The following KCNIP4 variants were observed in gnomAD, a reference collection of about 807,000 sequenced individuals.
KCNIP4 encodes potassium voltage-gated channel interacting protein 4.
Under a neutral mutation model 34.0 loss-of-function variants are expected in KCNIP4, and 12 were observed. That is an observed-to-expected ratio of 0.35 (90% CI 0.23 to 0.57). The LOEUF is 0.57. Among genes scored for constraint, KCNIP4 ranks in the 20% least tolerant of loss-of-function variants. The probability of loss-of-function intolerance (pLI) is 0.83; values close to 1 mark genes in which losing one functional copy is unlikely to be tolerated. For missense variants in KCNIP4, 238 were observed against 311.7 expected, an observed-to-expected ratio of 0.76 and a Z score of 1.78; for synonymous variants, 124 against 102.2, an observed-to-expected ratio of 1.21 and a Z score of -1.29.
chr4:20,954,135 A>C (rs1443678250), intron 1 of KCNIP4, among the ~76,000 whole-genome samples: 1 of 152,192 alleles, frequency 6.6e-6, no homozygotes, highest in Admixed American at 6.5e-5. Context: ...TCAAGTGAAC[A>C]CAAGAGCTCA....
chr4:21,002,722 C>T (rs541294326), intron 1 of KCNIP4, among the ~76,000 whole-genome samples: 1 of 152,050 alleles, frequency 6.6e-6, no homozygotes, highest in Non-Finnish European at 1.5e-5. Flanking sequence ...TGGATGATTG[C>T]GATGCAAGCT....
At chr4:21,554,141 T>C (rs1341559524) in intron 1 of KCNIP4, among the ~76,000 whole-genome samples, 1 of 152,160 alleles carries the variant, frequency 6.6e-6, no homozygotes, top group South Asian at 2.1e-4. Flanking sequence ...AGTAAAGGCC[T>C]CCTGAAGAGG....
intron 5 of KCNIP4, among the ~76,000 whole-genome samples, chr4:20,738,361 A>C (rs1275300772): frequency 6.6e-6 from 1 of 152,210 alleles, no homozygotes; most frequent in Non-Finnish European, 1.5e-5. Flanking sequence ...ATTGGTTCTC[A>C]AAATATAATG....
intron 1 of KCNIP4, among the ~76,000 whole-genome samples, chr4:21,247,428 A>G (rs1405705701): frequency 6.6e-6 from 1 of 151,668 alleles, no homozygotes; most frequent in Non-Finnish European, 1.5e-5. Context: ...GAACATTGCA[A>G]TGGAAGAGCA....
chr4:21,917,718 G>A (rs550062534), intron 1 of KCNIP4, among the ~76,000 whole-genome samples: 2 of 152,126 alleles, frequency 1.3e-5, no homozygotes, highest in Admixed American at 1.3e-4. Context: ...TTTTGCCAGA[G>A]AGAATAAGGC....
intron 1 of KCNIP4, among the ~76,000 whole-genome samples, chr4:21,013,327 C>G (rs530374822): frequency 6.6e-6 from 1 of 152,130 alleles, no homozygotes; most frequent in East Asian, 1.9e-4. Context: ...AGAGTGGGAA[C>G]CAGAGGCCAG....
At chr4:20,912,467 C>T (rs555109396) in intron 1 of KCNIP4, among the ~76,000 whole-genome samples, 7 of 152,124 alleles carry the variant, frequency 4.6e-5, no homozygotes, top group African/African-American at 1.7e-4. Context: ...TGTAACATAA[C>T]AACTAGGTTT....
chr4:21,490,043 C>T (rs904387903), intron 1 of KCNIP4, among the ~76,000 whole-genome samples: 4 of 152,030 alleles, frequency 2.6e-5, no homozygotes, highest in Non-Finnish European at 5.9e-5. Flanking sequence ...GTGGAAAGCG[C>T]TCTTTTTATT....
At chr4:21,565,181 C>G (rs1739764819) in intron 1 of KCNIP4, among the ~76,000 whole-genome samples, 4 of 152,156 alleles carry the variant, frequency 2.6e-5, no homozygotes, top group Admixed American at 2.6e-4. Context: ...CTCACAGTTT[C>G]AGAGGCTGAG....
chr4:21,223,625 G>T (rs1758139151), intron 1 of KCNIP4, among the ~76,000 whole-genome samples: 1 of 152,168 alleles, frequency 6.6e-6, no homozygotes, highest in Admixed American at 6.5e-5. Flanking sequence ...TGCTTGGTAT[G>T]TCCCATGTTA....
chr4:21,928,411 T>C (rs566683808), intron 1 of KCNIP4, among the ~76,000 whole-genome samples: 4 of 152,124 alleles, frequency 2.6e-5, no homozygotes, highest in African/African-American at 9.7e-5. Flanking sequence ...ATACCCAGCA[T>C]ATCTTTAATA....
chr4:21,727,136 G>T (rs1435427151), intron 1 of KCNIP4, among the ~76,000 whole-genome samples: 2 of 152,094 alleles, frequency 1.3e-5, no homozygotes. Flanking sequence ...TTCATGTTAG[G>T]ATCAAACACC....
chr4:21,351,192 TTA>T (rs1362800503), intron 1 of KCNIP4, among the ~76,000 whole-genome samples: 11 of 152,118 alleles, frequency 7.2e-5, no homozygotes, highest in Non-Finnish European at 1.6e-4. Flanking sequence ...TCCCTCAAAT[TTA>T]TATGTTAAAG....
At chr4:21,852,084 T>G (rs914101354) in intron 1 of KCNIP4, 1 of 151,884 alleles carries the variant, frequency 6.6e-6, no homozygotes, top group Non-Finnish European at 1.5e-5. Context: ...TTCTGGGAGA[T>G]AATTTTCTAG....
Position 21,182,095 on chromosome 4 carries a change from G to T in KCNIP4, c.62-299386C>A, listed in dbSNP as rs747093873. Among the ~76,000 whole-genome samples, 158 of 152,214 alleles carry T rather than the reference G, an allele frequency of 1.0e-3. 1 individual carries two copies. The highest frequency in any genetic ancestry group is 2.6e-4 in the Non-Finnish European group (18 of 67,998). ...TGGACATTCAGACCAATTAGAAAGAGGAATGTCTGGGAAAGAACAGTCAAG... is the reference window on the plus strand; with the variant it reads ...TGGACATTCAGACCAATTAGAAAGATGAATGTCTGGGAAAGAACAGTCAAG... On this transcript the variant is annotated intron_variant, in intron 1 of 8. Transcript: ENST00000382152.
chr4:20,748,663 A>C (rs1752963353), intron 5 of KCNIP4, among the ~76,000 whole-genome samples: 1 of 148,168 alleles, frequency 6.7e-6, no homozygotes. Flanking sequence ...ACAAAGCAAA[A>C]TATGTATAAT....
intron 1 of KCNIP4, among the ~76,000 whole-genome samples, chr4:21,494,354 G>C (rs1732664653): frequency 6.6e-6 from 1 of 152,100 alleles, no homozygotes; most frequent in African/African-American, 2.4e-5. Context: ...ACCAATGACA[G>C]CCAAATGGAA....
Position 21,539,719 on chromosome 4 carries a change from G to A in KCNIP4, c.61+408852C>T, listed in dbSNP as rs373206453. On this transcript the variant is annotated intron_variant, in intron 1 of 8. Coordinates refer to ENST00000382152, the MANE Select transcript of KCNIP4 (RefSeq NM_025221.6). ...TGTGAGGCCGGGCACAGTGGCTCAC[G>A]TTTGTAATCCCAGCACTTTGGGAGG... Among the ~76,000 whole-genome samples, 61 of 152,140 alleles carry A rather than the reference G, an allele frequency of 4.0e-4. 1 individual carries two copies. In the South Asian group the frequency reaches 7.3e-3, roughly 18 times the overall value.
intron 3 of KCNIP4, among the ~76,000 whole-genome samples, chr4:20,817,486 A>G (rs1415928411): frequency 6.6e-6 from 1 of 152,120 alleles, no homozygotes; most frequent in Non-Finnish European, 1.5e-5. Context: ...TGTCCAGGGA[A>G]TGCTTTCTGA....
Sources: allele counts gnomAD v4.1 joint callset (sites outside exome capture counted in the v4.1 genomes callset), GRCh38; gene constraint gnomAD v4.1.1; transcripts MANE v1.5; gene names NCBI Gene and HGNC (gene_info 2026-07-23, HGNC 2026-07-21).